AGBL1: variants seen among roughly 807,000 people sequenced by gnomAD.
AGBL1 encodes AGBL carboxypeptidase 1, also known as cytosolic carboxypeptidase 4.
Under a neutral mutation model 118.9 loss-of-function variants are expected in AGBL1, and 130 were observed. That is an observed-to-expected ratio of 1.09 (90% CI 0.95 to 1.26). AGBL1 has a LOEUF of 1.26. Among genes scored for constraint, AGBL1 ranks in the 50% most tolerant of loss-of-function variants. The pLI, the probability that AGBL1 is intolerant of heterozygous loss-of-function variation, is 0.00. For synonymous variants in AGBL1, 555 were observed against 478.9 expected (o/e 1.16, Z -2.08); for missense variants, 1,584 against 1,298.1 (o/e 1.22, Z -3.38).
At chr15:86,280,238 C>T (rs943444245) in intron 16 of AGBL1, among the ~76,000 whole-genome samples, 3 of 152,120 alleles carry the variant, frequency 2.0e-5, no homozygotes, top group Non-Finnish European at 4.4e-5. Context: ...TGCAAGTAGC[C>T]ACGCCAGCAT....
At chr15:86,899,155 T>C (rs1163311790) in intron 22 of AGBL1, among the ~76,000 whole-genome samples, 2 of 152,104 alleles carry the variant, frequency 1.3e-5, no homozygotes, top group African/African-American at 2.4e-5. Flanking sequence ...CCATCGATGA[T>C]AGACTGGGTA....
At chr15:86,606,119 TCC>T (rs2084573050) in intron 21 of AGBL1, among the ~76,000 whole-genome samples, 1 of 43,486 alleles carries the variant, frequency 2.3e-5, no homozygotes, top group African/African-American at 1.2e-4. Context: ...AGAGCAAGAC[TCC>T]ATCTCAAAAA....
chr15:86,720,369 C>T (rs965819174), intron 22 of AGBL1, among the ~76,000 whole-genome samples: 3 of 152,196 alleles, frequency 2.0e-5, no homozygotes, highest in African/African-American at 7.2e-5. Context: ...TTCTGTCATT[C>T]CTAGCCTCAA....
chr15:86,404,721 C>T (rs2081498236), intron 18 of AGBL1, among the ~76,000 whole-genome samples: 2 of 152,184 alleles, frequency 1.3e-5, no homozygotes, highest in Admixed American at 6.5e-5. Flanking sequence ...GCCTTTTCTA[C>T]ATGGGATTAT....
In AGBL1 at chr15:86,281,744, A is replaced by G. The variant is rs139176981; in HGVS notation, c.2220+1961A>G. Among the ~76,000 whole-genome samples the G allele has an allele frequency of 5.3e-4, 81 of 152,284 alleles. 1 individual carries two copies. The highest frequency in any genetic ancestry group is 1.9e-3 in the African/African-American group (77 of 41,564). ...TCTACTCCCCTGTAGAAAAGTGTAG[A>G]AGAAATTCAGAATTTCTGCCCTGGG... On this transcript the variant is annotated intron_variant, in intron 16 of 22. Transcript: ENST00000614907.
chr15:86,964,902 A>G (rs2081033871), intron 23 of AGBL1, among the ~76,000 whole-genome samples: 1 of 151,830 alleles, frequency 6.6e-6, no homozygotes, highest in South Asian at 2.1e-4. Flanking sequence ...TGTTCCCGTG[A>G]CAGTTTGTTG....
At chr15:86,118,573 G>A (rs1283122298) in intron 1 of AGBL1, among the ~76,000 whole-genome samples, 2 of 152,016 alleles carry the variant, frequency 1.3e-5, no homozygotes. Flanking sequence ...CAGGTGCAGA[G>A]GTTAAAAATA....
chr15:86,280,086 C>A (rs2079325789), intron 16 of AGBL1, among the ~76,000 whole-genome samples: 1 of 152,110 alleles, frequency 6.6e-6, no homozygotes, highest in South Asian at 2.1e-4. Flanking sequence ...TTTAAAAAGT[C>A]AAGTTAAGTA....
chr15:86,306,211 A>G (rs766666390), intron 17 of AGBL1, among the ~76,000 whole-genome samples: 5 of 152,118 alleles, frequency 3.3e-5, no homozygotes, highest in Non-Finnish European at 7.4e-5. Context: ...CAATTAAGTT[A>G]TTATTGACTA....
chr15:86,204,589 C>T (rs888714963), intron 5 of AGBL1, among the ~76,000 whole-genome samples: 7 of 148,942 alleles, frequency 4.7e-5, no homozygotes, highest in African/African-American at 1.2e-4. Context: ...TTCATTGGTT[C>T]GTTTAGTTTT....
At chr15:86,726,840 C>G (rs1399447250) in intron 22 of AGBL1, among the ~76,000 whole-genome samples, 1 of 152,152 alleles carries the variant, frequency 6.6e-6, no homozygotes, top group East Asian at 1.9e-4. Flanking sequence ...CAGGTGTGAG[C>G]CACTGCACCC....
chr15:86,171,955 T>A (rs574647681), intron 5 of AGBL1, among the ~76,000 whole-genome samples: 148 of 152,308 alleles, frequency 9.7e-4, no homozygotes, highest in Non-Finnish European at 1.8e-3. Flanking sequence ...AAACCAAACA[T>A]CTTATGTTCT....
At chr15:86,707,552 A>G (rs576706171) in intron 22 of AGBL1, among the ~76,000 whole-genome samples, 2 of 152,228 alleles carry the variant, frequency 1.3e-5, no homozygotes, top group East Asian at 1.9e-4. Context: ...GTAATTGACT[A>G]TTGCATGCTT....
chr15:86,699,764 A>T (rs1187516135), intron 22 of AGBL1, among the ~76,000 whole-genome samples: 1 of 152,038 alleles, frequency 6.6e-6, no homozygotes, highest in African/African-American at 2.4e-5. Context: ...GTTTACTTTG[A>T]CCGCTTGTTT....
chr15:86,773,509 C>T lies in AGBL1; in HGVS notation c.3158+99073C>T, dbSNP rs192812684. Reference sequence around the variant, plus strand: ...TAATGCTATCCCTCCCCCCTCCCCCCACCCCACAACAGGCCCTGGTGTGTG... The same window carrying T: ...TAATGCTATCCCTCCCCCCTCCCCCTACCCCACAACAGGCCCTGGTGTGTG... On this transcript the variant is annotated intron_variant, in intron 22 of 22. Transcript: ENST00000614907. Among the ~76,000 whole-genome samples, 754 of 120,470 alleles carry T rather than the reference C, an allele frequency of 6.3e-3. 2 individuals carry two copies. The highest frequency in any genetic ancestry group is 0.014 in the South Asian group (42 of 2,904). The allele number at this position is 120,470 out of a possible 152,430, so 79.0% of individuals were successfully genotyped here. A position where few individuals can be genotyped will look rare whatever the true frequency, so the allele number is the denominator to read the frequency against.
At chr15:86,364,743 T>G (rs957329908) in intron 17 of AGBL1, among the ~76,000 whole-genome samples, 1 of 151,910 alleles carries the variant, frequency 6.6e-6, no homozygotes, top group Non-Finnish European at 1.5e-5. Context: ...AAACTGTGTT[T>G]CAATCCCTTT....
At chr15:86,603,664 C>T (rs977640941) in intron 21 of AGBL1, among the ~76,000 whole-genome samples, 1 of 152,040 alleles carries the variant, frequency 6.6e-6, no homozygotes, top group Admixed American at 6.6e-5. Flanking sequence ...CCCCTTCCCT[C>T]TCTTCCCGCC....
At chr15:86,100,442 A>G (rs1896645465) in intron 1 of AGBL1, among the ~76,000 whole-genome samples, 1 of 152,098 alleles carries the variant, frequency 6.6e-6, no homozygotes, top group South Asian at 2.1e-4. Flanking sequence ...GAAGCCATCC[A>G]GTCCTGGGTT....
intron 24 of AGBL1, among the ~76,000 whole-genome samples, chr15:86,992,168 A>C (rs1234240834): frequency 6.6e-6 from 1 of 151,990 alleles, no homozygotes; most frequent in Non-Finnish European, 1.5e-5. Context: ...AAGGGGATGT[A>C]GCACGTGCCA....
Sources: gnomAD v4.1 joint callset for allele counts (sites outside exome capture counted in the v4.1 genomes callset) on GRCh38, gnomAD v4.1.1 for gene constraint, MANE v1.5 for transcripts, NCBI Gene and HGNC (gene_info 2026-07-23, HGNC 2026-07-21) for gene names.